The following ERBB4 variants were observed in gnomAD, a reference collection of about 807,000 sequenced individuals.
ERBB4 encodes the protein erb-b2 receptor tyrosine kinase 4.
In ERBB4, 42 loss-of-function variants were observed where a neutral mutation model predicts 158.0. That is an observed-to-expected ratio of 0.27 (90% CI 0.21 to 0.34). ERBB4 has a LOEUF of 0.34. Among genes scored for constraint, ERBB4 ranks in the 10% least tolerant of loss-of-function variants. ERBB4 has a pLI of 1.00. For missense variants in ERBB4, 1,333 were observed against 1,624.1 expected (o/e 0.82, Z 3.08); for synonymous variants, 583 against 558.7 (o/e 1.04, Z -0.61).
chr2:212,329,495 C>T lies in ERBB4; in HGVS notation c.83-204592G>A, dbSNP rs73987365. Among the ~76,000 whole-genome samples, 1,469 of 152,152 alleles carry T rather than the reference C, an allele frequency of 9.7e-3. 23 individuals carry two copies. The highest frequency in any genetic ancestry group is 0.034 in the African/African-American group (1,399 of 41,556). ...TAGTTTTTAAAGAAAGATTTCTGTTCTGTTCCCACCTGTTGAAAATACCTT... is the reference window on the plus strand; with the variant it reads ...TAGTTTTTAAAGAAAGATTTCTGTTTTGTTCCCACCTGTTGAAAATACCTT... On this transcript the variant is annotated intron_variant, in intron 1 of 27. Transcript: ENST00000342788.
chr2:211,470,064 T>TTTTA (rs886975920), intron 20 of ERBB4, among the ~76,000 whole-genome samples: 97 of 152,088 alleles, frequency 6.4e-4, no homozygotes, highest in African/African-American at 2.0e-3. Context: ...AGACTTATAA[T>TTTTA]TAACAATTAA....
chr2:211,438,952 AATTT>A (rs1012949433), intron 20 of ERBB4, among the ~76,000 whole-genome samples: 50 of 151,656 alleles, frequency 3.3e-4, no homozygotes, highest in African/African-American at 1.0e-3. Context: ...ATTTATTTGA[AATTT>A]ATTTTTCACA....
chr2:211,985,465 C>A (rs2081915089), intron 2 of ERBB4, among the ~76,000 whole-genome samples: 1 of 152,116 alleles, frequency 6.6e-6, no homozygotes, highest in South Asian at 2.1e-4. Flanking sequence ...ACAACTCCAG[C>A]AGAACAGCTT....
intron 2 of ERBB4, among the ~76,000 whole-genome samples, chr2:212,028,330 A>T (rs576677442): frequency 6.6e-6 from 1 of 152,252 alleles, no homozygotes; most frequent in East Asian, 1.9e-4. Flanking sequence ...ACTATATTTT[A>T]AAAAAATCAA....
intron 20 of ERBB4, among the ~76,000 whole-genome samples, chr2:211,556,052 T>C (rs2067229664): frequency 6.6e-6 from 1 of 151,828 alleles, no homozygotes; most frequent in African/African-American, 2.4e-5. Context: ...CCCAACTACA[T>C]GCAATGACAA....
intron 20 of ERBB4, among the ~76,000 whole-genome samples, chr2:211,458,704 A>G (rs2064451741): frequency 6.6e-6 from 1 of 152,202 alleles, no homozygotes; most frequent in Non-Finnish European, 1.5e-5. Flanking sequence ...TACTCCATTA[A>G]AAAGGAAATA....
intron 12 of ERBB4, among the ~76,000 whole-genome samples, chr2:211,693,126 G>A (rs1216470620): frequency 6.6e-6 from 1 of 152,134 alleles, no homozygotes; most frequent in African/African-American, 2.4e-5. Flanking sequence ...CTGATAGGAG[G>A]AGGTGAGAGG....
intron 1 of ERBB4, among the ~76,000 whole-genome samples, chr2:212,293,640 G>A (rs1315130357): frequency 6.6e-6 from 1 of 151,950 alleles, no homozygotes; most frequent in African/African-American, 2.4e-5. Context: ...TTAAGGCCAG[G>A]AGATCAAGAC....
At chr2:212,476,698 A>G (rs769297975) in intron 1 of ERBB4, among the ~76,000 whole-genome samples, 2 of 152,150 alleles carry the variant, frequency 1.3e-5, no homozygotes, top group Non-Finnish European at 2.9e-5. Flanking sequence ...AAGAGTAAAT[A>G]CTACTTTCCT....
At chr2:212,167,166 T>C (rs530465406) in intron 1 of ERBB4, among the ~76,000 whole-genome samples, 48 of 152,026 alleles carry the variant, frequency 3.2e-4, no homozygotes, top group Non-Finnish European at 5.3e-4. Flanking sequence ...ACCTACAGAA[T>C]GAGAGAAAAT....
Position 212,217,839 on chromosome 2 carries a change from C to A in ERBB4, c.83-92936G>T, listed in dbSNP as rs2083151123. Among the ~76,000 whole-genome samples the A allele has an allele frequency of 2.0e-5, 3 of 151,170 alleles. No individual in the cohort carries two copies. In the South Asian group the frequency reaches 6.2e-4, roughly 31 times the overall value. ...GAGATTACAAGGATTTTTGTGATGACCGAACAAGATAATATATGTAAAGCC... is the reference window on the plus strand; with the variant it reads ...GAGATTACAAGGATTTTTGTGATGAACGAACAAGATAATATATGTAAAGCC... On this transcript the variant is annotated intron_variant, in intron 1 of 27. Transcript: ENST00000342788.
At chr2:212,454,758 T>A (rs1560371302) in intron 1 of ERBB4, among the ~76,000 whole-genome samples, 1 of 152,158 alleles carries the variant, frequency 6.6e-6, no homozygotes, top group Non-Finnish European at 1.5e-5. Context: ...GGAGAGCACA[T>A]CAACTGTATA....
intron 3 of ERBB4, among the ~76,000 whole-genome samples, chr2:211,890,459 A>G (rs2078933195): frequency 2.0e-5 from 3 of 152,056 alleles, no homozygotes; most frequent in Admixed American, 2.0e-4. Context: ...TCATGCCAAA[A>G]TGTACAGACC....
chr2:212,365,964 A>T (rs1178302070), intron 1 of ERBB4, among the ~76,000 whole-genome samples: 3 of 151,904 alleles, frequency 2.0e-5, no homozygotes, highest in African/African-American at 7.2e-5. Context: ...ATAGTAGAAA[A>T]ATATCAAATA....
rs529671548 is a variant in ERBB4, at chr2:212,120,144, C to CT, written c.234+4607dup. ...AAATTACTATTTGGGGTAAATATTG[C>CT]TTTTTTCTACTCTGTTTCTGTTTCA... On this transcript the variant is annotated intron_variant, in intron 2 of 27. Transcript: ENST00000342788. Among the ~76,000 whole-genome samples the CT allele has an allele frequency of 2.4e-4, 36 of 152,202 alleles. No individual in the cohort carries two copies. The South Asian group carries it at 6.0e-3, about 25-fold the overall frequency.
chr2:211,476,681 T>C (rs1336813290), intron 20 of ERBB4, among the ~76,000 whole-genome samples: 1 of 152,104 alleles, frequency 6.6e-6, no homozygotes, highest in Non-Finnish European at 1.5e-5. Flanking sequence ...GCAGATATTA[T>C]GTTGAATAAT....
At chr2:212,027,583 G>A (rs1458634600) in intron 2 of ERBB4, among the ~76,000 whole-genome samples, 4 of 152,096 alleles carry the variant, frequency 2.6e-5, no homozygotes, top group African/African-American at 9.7e-5. Context: ...AGAACAAAGA[G>A]TGAGTATGAT....
At chr2:212,227,632 G>GCAGAGCAC (rs2105972797) in intron 1 of ERBB4, among the ~76,000 whole-genome samples, 1 of 152,170 alleles carries the variant, frequency 6.6e-6, no homozygotes, top group African/African-American at 2.4e-5. Context: ...TCCAGACACT[G>GCAGAGCAC]CAGAGCACCA....
chr2:211,772,852 TATATATATATATATATAC>T (rs1559504383), intron 4 of ERBB4, among the ~76,000 whole-genome samples: 7 of 57,108 alleles, frequency 1.2e-4, no homozygotes, highest in Admixed American at 2.1e-4. Context: ...TATATATATA[TATATATATATATATATAC>T]ACATATATAT....
Sources: gnomAD v4.1 joint callset for allele counts (sites outside exome capture counted in the v4.1 genomes callset) on GRCh38, gnomAD v4.1.1 for gene constraint, MANE v1.5 for transcripts, NCBI Gene and HGNC (gene_info 2026-07-23, HGNC 2026-07-21) for gene names.